The following FAM76A variants were observed in gnomAD, a reference collection of about 807,000 sequenced individuals.
FAM76A encodes protein FAM76A.
FAM76A carries 32 observed loss-of-function variants against 46.2 expected under a neutral mutation model. The observed-to-expected ratio is 0.69, with a 90% CI of 0.52 to 0.93. The LOEUF is 0.93. Ranked by LOEUF, FAM76A falls within the 40% of genes least tolerant of loss-of-function variation. The probability of loss-of-function intolerance (pLI) is 0.00; values close to 1 mark genes in which losing one functional copy is unlikely to be tolerated. For missense variants in FAM76A, 274 were observed against 361.5 expected (o/e 0.76, Z 1.96); for synonymous variants, 137 against 127.0 (o/e 1.08, Z -0.53).
rs531993033 is a variant in FAM76A, at chr1:27,736,008, G to A, written c.354+1825G>A. Among the ~76,000 whole-genome samples the A allele has an allele frequency of 7.9e-5, 12 of 152,220 alleles. No individual in the cohort carries two copies. The South Asian group carries it at 2.5e-3, about 32-fold the overall frequency. ...ACATGTTCATAAACTTTAGGAGAGA[G>A]CTAAATTTAGGGATTAAGAGTAGGG... is the stretch of plus-strand genomic sequence containing the variant. On this transcript the variant is annotated intron_variant, in intron 4 of 8. Coordinates refer to ENST00000373954, the MANE Select transcript of FAM76A (RefSeq NM_152660.3).
In FAM76A at chr1:27,760,506, A is replaced by T. The variant is rs1171515022; in HGVS notation, c.849A>T (p.Arg283=). ...EVTEQLQAKN[R]ELLKQAAALS... ...TTTTTTTTCTTTAGGCCAAAAACCG[A>T]GAGCTCCTGAAGCAGGCAGCTGCTT... The change falls in exon 9 of 9, where the codon CGA becomes CGT. Residue 283 remains arginine (R), a synonymous_variant. Coordinates refer to ENST00000373954, the MANE Select transcript of FAM76A (RefSeq NM_152660.3). 2 of 1,610,770 alleles carry T rather than the reference A, an allele frequency of 1.2e-6. No homozygotes were observed. Among genetic ancestry groups the T allele is most frequent in the South Asian group, 2.2e-5 (2 of 90,788 alleles).
At chr1:27,755,508 C>T (rs1557787771) in intron 7 of FAM76A, among the ~76,000 whole-genome samples, 178 bp downstream of exon 7, 1 of 152,252 alleles carries the variant, frequency 6.6e-6, no homozygotes, top group Non-Finnish European at 1.5e-5. Flanking sequence ...TTACTCCAGT[C>T]AGTTGGGCTC....
chr1:27,756,223 CTG>C (rs2088407021), intron 7 of FAM76A, among the ~76,000 whole-genome samples: 1 of 152,228 alleles, frequency 6.6e-6, no homozygotes, highest in South Asian at 2.1e-4. Context: ...TCTTATGTCA[CTG>C]TGCTTCCACT....
At chr1:27,738,586 C>T (rs1027939682) in intron 4 of FAM76A, among the ~76,000 whole-genome samples, 5 of 152,142 alleles carry the variant, frequency 3.3e-5, no homozygotes, top group East Asian at 1.9e-4. Context: ...TTCATTGTTA[C>T]GTTTCTTAAC....
Position 27,761,932 on chromosome 1 carries a change from T to C in FAM76A, c.*1351T>C, listed in dbSNP as rs1265167730. On this transcript the variant is annotated 3_prime_UTR_variant, in exon 9 of 9. Transcript: ENST00000373954. ...ATGAGCTGAAATCGCAACACTGCAC[T>C]GCAGCCTGGGCAATGGAGTGAGACT... 6.9e-6 allele frequency: 1 copy of C among 145,956 alleles called. No individual in the cohort carries two copies. Among genetic ancestry groups the C allele is most frequent in the Non-Finnish European group, 1.5e-5 (1 of 67,680 alleles). The allele number at this position is 145,956 out of a possible 1,614,324, so 9.0% of individuals were successfully genotyped here.
At chr1:27,731,264 C>T (rs1160762793) in intron 2 of FAM76A, among the ~76,000 whole-genome samples, 3 of 140,266 alleles carry the variant, frequency 2.1e-5, no homozygotes, top group Non-Finnish European at 3.0e-5. Flanking sequence ...AGTGCAATGG[C>T]GCAATCTTGG....
chr1:27,737,162 T>G (rs2088062561), intron 4 of FAM76A, among the ~76,000 whole-genome samples: 1 of 152,136 alleles, frequency 6.6e-6, no homozygotes, highest in African/African-American at 2.4e-5. Flanking sequence ...TTAGTCAGGC[T>G]GCTCTCGAAT....
chr1:27,757,034 G>A (rs749217390), intron 7 of FAM76A, among the ~76,000 whole-genome samples: 1 of 151,942 alleles, frequency 6.6e-6, no homozygotes, highest in Non-Finnish European at 1.5e-5. Flanking sequence ...ACTCCAGCCT[G>A]TGGGTGACAG....
Position 27,744,751 on chromosome 1 carries a change from G to T in FAM76A, c.452G>T (p.Arg151Leu), listed in dbSNP as rs747937419. 1.2e-6 allele frequency: 2 copies of T among 1,614,140 alleles called. No individual in the cohort carries two copies. The highest frequency in any genetic ancestry group is 1.7e-6 in the Non-Finnish European group (2 of 1,180,008). ...EQRKHLSSSS[R>L]AGHQEKEQYS... is the part of the protein sequence containing the mutation. ...AGGAAACACCTGAGTAGCTCTTCTC[G>T]TGCTGGCCACCAGGAGAAGGAGCAG... Residue 151 changes from arginine (R) to leucine (L), a missense_variant, in exon 5 of 9, where the codon CGT becomes CTT. Physicochemically the swap from Arg to Leu is moderately radical, Grantham distance 102. Coordinates refer to ENST00000373954, the MANE Select transcript of FAM76A (RefSeq NM_152660.3).
At chr1:27,751,586 C>T (rs1368613465) in intron 6 of FAM76A, among the ~76,000 whole-genome samples, 2 of 151,562 alleles carry the variant, frequency 1.3e-5, no homozygotes, top group African/African-American at 4.9e-5. Flanking sequence ...CTCACTGCAG[C>T]CTCGACCTCC....
chr1:27,739,779 C>A (rs1393019117), intron 4 of FAM76A, among the ~76,000 whole-genome samples: 1 of 151,988 alleles, frequency 6.6e-6, no homozygotes, highest in Non-Finnish European at 1.5e-5. Context: ...GATTGTGAGA[C>A]CCTGTCACAA....
intron 4 of FAM76A, among the ~76,000 whole-genome samples, chr1:27,742,659 T>G (rs531939934): frequency 6.6e-6 from 1 of 152,274 alleles, no homozygotes; most frequent in Non-Finnish European, 1.5e-5. Context: ...GTTGAAGAGA[T>G]CCATTGTACA....
At chr1:27,743,545 C>G (rs2088190608) in intron 4 of FAM76A, among the ~76,000 whole-genome samples, 1 of 152,114 alleles carries the variant, frequency 6.6e-6, no homozygotes, top group Admixed American at 6.5e-5. Flanking sequence ...CAGGAGATCA[C>G]TTGAGCTCAG....
intron 4 of FAM76A, among the ~76,000 whole-genome samples, chr1:27,737,622 C>G (rs2088072229): frequency 6.6e-6 from 1 of 151,796 alleles, no homozygotes; most frequent in African/African-American, 2.4e-5. Context: ...GAGGCCAAGG[C>G]AGGCAGATCA....
intron 4 of FAM76A, among the ~76,000 whole-genome samples, chr1:27,737,868 C>CAAAAAAAAAA (rs71571865): frequency 7.0e-4 from 44 of 62,574 alleles, no homozygotes; most frequent in Non-Finnish European, 1.0e-3. Context: ...ACAACAACAA[C>CAAAAAAAAAA]AAAAAAAAAA....
intron 6 of FAM76A, 24 bp from the exon 7 acceptor site, chr1:27,755,171 T>C (rs113712224): frequency 1.7e-5 from 27 of 1,612,666 alleles, no homozygotes; most frequent in African/African-American, 1.2e-4. Flanking sequence ...AGTTAAAATA[T>C]TTTCCCCTGA....
At chr1:27,737,876 A>C (rs1410604900) in intron 4 of FAM76A, among the ~76,000 whole-genome samples, 12 of 146,266 alleles carry the variant, frequency 8.2e-5, no homozygotes, top group African/African-American at 2.5e-4. Flanking sequence ...AACAAAAAAA[A>C]AAAAAAAAAA....
intron 4 of FAM76A, 108 bp from the exon 5 acceptor site, chr1:27,744,546 A>T (rs139497813): frequency 1.7e-6 from 2 of 1,176,544 alleles, no homozygotes; most frequent in East Asian, 2.3e-5. Context: ...GTCACAGCAC[A>T]TAAGTTTCAG....
At chr1:27,729,462 G>A (rs191564104) in intron 2 of FAM76A, among the ~76,000 whole-genome samples, 11 of 151,166 alleles carry the variant, frequency 7.3e-5, no homozygotes, top group African/African-American at 1.2e-4. Flanking sequence ...TGCCTGCCTC[G>A]GCCTCCCAAA....
Sources: gnomAD v4.1 joint callset for allele counts (sites outside exome capture counted in the v4.1 genomes callset) on GRCh38, gnomAD v4.1.1 for gene constraint, MANE v1.5 for transcripts, NCBI Gene and HGNC (gene_info 2026-07-23, HGNC 2026-07-21) for gene names.